The following SUGCT variants were observed in gnomAD, a reference collection of about 807,000 sequenced individuals.
The protein encoded by SUGCT is succinyl-CoA:glutarate-CoA transferase, also known as succinyl-CoA:glutarate CoA-transferase.
In SUGCT, 41 loss-of-function variants were observed where a neutral mutation model predicts 55.0. The observed-to-expected ratio is 0.74, with a 90% CI of 0.58 to 0.97. The LOEUF is 0.97. Among genes scored for constraint, SUGCT ranks in the 50% least tolerant of loss-of-function variants. The probability of loss-of-function intolerance (pLI) is 0.00; values close to 1 mark genes in which losing one functional copy is unlikely to be tolerated. For synonymous variants in SUGCT, 187 were observed against 200.4 expected (o/e 0.93, Z 0.56); for missense variants, 568 against 547.8 (o/e 1.04, Z -0.37).
intron 10 of SUGCT, among the ~76,000 whole-genome samples, chr7:40,455,541 C>A (rs1456414085): frequency 7.2e-5 from 11 of 152,050 alleles, no homozygotes; most frequent in Admixed American, 7.2e-4. Context: ...GAAAAGAAAA[C>A]TGGAGTGGGG....
intron 12 of SUGCT, among the ~76,000 whole-genome samples, chr7:40,542,640 C>T (rs1794758737): frequency 6.6e-6 from 1 of 152,186 alleles, no homozygotes; most frequent in Non-Finnish European, 1.5e-5. Context: ...GATGGAGTGG[C>T]TGTGCCAACA....
the SUGCT span, among the ~76,000 whole-genome samples, chr7:40,914,985 A>G: frequency 6.6e-6 from 1 of 152,212 alleles, no homozygotes; most frequent in Non-Finnish European, 1.5e-5. Context: ...GCAGGTTTAG[A>G]AAAGTTTATT....
At chr7:40,671,618 C>T (rs1801944202) in intron 12 of SUGCT, among the ~76,000 whole-genome samples, 1 of 152,138 alleles carries the variant, frequency 6.6e-6, no homozygotes, top group Admixed American at 6.5e-5. Context: ...TTTACATTCT[C>T]TCAAGGATAA....
chr7:40,410,081 G>A (rs1786591015), intron 9 of SUGCT, among the ~76,000 whole-genome samples: 2 of 151,834 alleles, frequency 1.3e-5, no homozygotes, highest in South Asian at 4.1e-4. Context: ...ATCTAAGCAT[G>A]GTAATTGCTT....
At chr7:40,639,282 T>C (rs1053810441) in intron 12 of SUGCT, among the ~76,000 whole-genome samples, 1 of 152,160 alleles carries the variant, frequency 6.6e-6, no homozygotes, top group African/African-American at 2.4e-5. Flanking sequence ...ACATTCCCAG[T>C]ATAGCGCCCA....
At chr7:40,773,477 G>T (rs1789289497) in intron 13 of SUGCT, among the ~76,000 whole-genome samples, 1 of 152,088 alleles carries the variant, frequency 6.6e-6, no homozygotes, top group Admixed American at 6.5e-5. Flanking sequence ...CTATTAGTCT[G>T]TCTTTCTCAC....
At chr7:40,226,151 T>C (rs1379452271) in intron 6 of SUGCT, among the ~76,000 whole-genome samples, 1 of 152,206 alleles carries the variant, frequency 6.6e-6, no homozygotes, top group Non-Finnish European at 1.5e-5. Context: ...GGAATCCTGC[T>C]GAGGTTGGTT....
chr7:41,025,472 C>T, the SUGCT span, among the ~76,000 whole-genome samples: 3 of 151,718 alleles, frequency 2.0e-5, 1 homozygote, highest in South Asian at 4.1e-4. Flanking sequence ...TGGGTTCAAG[C>T]GATTCTCCTG....
chr7:40,760,227 C>T (rs938219812), intron 13 of SUGCT, among the ~76,000 whole-genome samples: 2 of 152,088 alleles, frequency 1.3e-5, no homozygotes, highest in Non-Finnish European at 2.9e-5. Context: ...CAGCCTGATT[C>T]CTCAGAGCAG....
intron 12 of SUGCT, among the ~76,000 whole-genome samples, chr7:40,630,866 A>G (rs1000314871): frequency 7.6e-6 from 1 of 131,132 alleles, no homozygotes; most frequent in East Asian, 2.7e-4. Flanking sequence ...GTGTAGATGT[A>G]TATGAGACCC....
At chr7:40,162,059 G>A (rs1784184595) in intron 1 of SUGCT, among the ~76,000 whole-genome samples, 1 of 151,918 alleles carries the variant, frequency 6.6e-6, no homozygotes, top group Non-Finnish European at 1.5e-5. Flanking sequence ...ACTATGCCCA[G>A]CTAATTTTTT....
chr7:40,547,749 A>T (rs1174129821), intron 12 of SUGCT, among the ~76,000 whole-genome samples: 3 of 152,212 alleles, frequency 2.0e-5, no homozygotes, highest in Non-Finnish European at 4.4e-5. Flanking sequence ...GTTTTATAAA[A>T]TATTAGAAAT....
intron 8 of SUGCT, among the ~76,000 whole-genome samples, chr7:40,298,805 G>A (rs1402661414): frequency 1.3e-5 from 2 of 151,838 alleles, no homozygotes; most frequent in East Asian, 3.9e-4. Flanking sequence ...TTAGACAAAT[G>A]AAGAAAACCT....
chr7:40,826,822 G>A (rs1792336514), intron 13 of SUGCT, among the ~76,000 whole-genome samples: 1 of 152,128 alleles, frequency 6.6e-6, no homozygotes. Flanking sequence ...GAAAGAAAGG[G>A]TATTTCTTTT....
chr7:40,474,630 A>C (rs890904182), intron 11 of SUGCT, among the ~76,000 whole-genome samples: 1 of 152,272 alleles, frequency 6.6e-6, no homozygotes, highest in African/African-American at 2.4e-5. Context: ...AACCCAGACC[A>C]GCTCAGGTTG....
chr7:40,185,563 C>G (rs192055422), intron 3 of SUGCT, among the ~76,000 whole-genome samples: 2 of 152,142 alleles, frequency 1.3e-5, no homozygotes. Context: ...GCTCTTCTTG[C>G]CCAGGCTGGA....
intron 7 of SUGCT, among the ~76,000 whole-genome samples, chr7:40,250,252 T>C (rs890900399): frequency 6.6e-6 from 1 of 151,766 alleles, no homozygotes; most frequent in Non-Finnish European, 1.5e-5. Context: ...ACAAAAAAAT[T>C]AGCGGGGCGT....
intron 13 of SUGCT, among the ~76,000 whole-genome samples, chr7:40,831,093 A>G (rs964704549): frequency 6.6e-6 from 1 of 152,176 alleles, no homozygotes; most frequent in South Asian, 2.1e-4. Flanking sequence ...CATTTTTAAT[A>G]AGAAACAGAA....
At chr7:40,772,889 T>G (rs4720374) in intron 13 of SUGCT, among the ~76,000 whole-genome samples, 1,999 of 152,206 alleles carry the variant, frequency 0.013, 133 homozygotes, top group Admixed American at 0.087. Flanking sequence ...CCTCCCACAG[T>G]GCTGAGATTA....
Sources: allele counts gnomAD v4.1 joint callset (sites outside exome capture counted in the v4.1 genomes callset), GRCh38; gene constraint gnomAD v4.1.1; transcripts MANE v1.5; gene names NCBI Gene and HGNC (gene_info 2026-07-23, HGNC 2026-07-21).